The following PRKG1 variants were observed in gnomAD, a reference collection of about 807,000 sequenced individuals.
PRKG1 encodes the protein protein kinase cGMP-dependent 1.
A neutral mutation model predicts 88.1 loss-of-function variants in PRKG1; 35 were observed. The ratio of observed to expected loss-of-function variants is 0.40; its 90% CI spans 0.30 to 0.53. PRKG1 has a LOEUF of 0.53. PRKG1 is among the 20% of genes least tolerant of loss of function. PRKG1 has a pLI of 0.59. For synonymous variants in PRKG1, 303 were observed against 292.5 expected (o/e 1.04, Z -0.37); for missense variants, 540 against 839.8 (o/e 0.64, Z 4.41).
intron 1 of PRKG1, among the ~76,000 whole-genome samples, chr10:51,100,892 G>A (rs1844662957): frequency 6.6e-6 from 1 of 152,052 alleles, no homozygotes; most frequent in Non-Finnish European, 1.5e-5. Flanking sequence ...ACAGATTCCT[G>A]GGCTGTGAAA....
At chr10:52,120,416 C>T (rs924023408) in intron 7 of PRKG1, among the ~76,000 whole-genome samples, 1 of 152,138 alleles carries the variant, frequency 6.6e-6, no homozygotes, top group African/African-American at 2.4e-5. Context: ...CCCAAAGTCT[C>T]ATCTGAATCA....
intron 7 of PRKG1, among the ~76,000 whole-genome samples, chr10:52,092,884 T>C (rs1395044558): frequency 6.6e-6 from 1 of 152,152 alleles, no homozygotes; most frequent in African/African-American, 2.4e-5. Context: ...ATGGTAAGTA[T>C]GGTTTTATCT....
intron 2 of PRKG1, among the ~76,000 whole-genome samples, chr10:51,324,571 C>CA (rs34429733): frequency 0.14 from 11,682 of 84,464 alleles, 546 homozygotes; most frequent in Non-Finnish European, 0.17. Context: ...ACTAAAAATA[C>CA]AAAAAAAAAA....
At chr10:51,588,082 A>G (rs934791509) in intron 3 of PRKG1, among the ~76,000 whole-genome samples, 3 of 152,214 alleles carry the variant, frequency 2.0e-5, no homozygotes, top group Non-Finnish European at 4.4e-5. Flanking sequence ...TTCATTGGCC[A>G]TATCCTGGAG....
At chr10:52,260,247 CAGA>C (rs1321415362) in intron 10 of PRKG1, among the ~76,000 whole-genome samples, 14 of 152,152 alleles carry the variant, frequency 9.2e-5, no homozygotes, top group Admixed American at 3.9e-4. Context: ...TTTGTAACAT[CAGA>C]AGGACAAAGT....
chr10:51,637,552 ATGT>A (rs1839688864), intron 3 of PRKG1, among the ~76,000 whole-genome samples: 1 of 152,264 alleles, frequency 6.6e-6, no homozygotes, highest in South Asian at 2.1e-4. Context: ...GATAAAGAAA[ATGT>A]TGTATATATA....
intron 9 of PRKG1, among the ~76,000 whole-genome samples, chr10:52,189,812 T>C (rs1449217809): frequency 6.6e-6 from 1 of 152,208 alleles, no homozygotes; most frequent in East Asian, 1.9e-4. Flanking sequence ...GTTGTAATAT[T>C]TGCATTCTGT....
At chr10:52,199,384 G>T (rs1447741555) in intron 9 of PRKG1, among the ~76,000 whole-genome samples, 11 of 152,210 alleles carry the variant, frequency 7.2e-5, no homozygotes, top group African/African-American at 2.4e-4. Flanking sequence ...TTCACTCAAA[G>T]ATCATACTTG....
At chr10:51,884,122 T>C (rs1841503090) in intron 4 of PRKG1, among the ~76,000 whole-genome samples, 1 of 151,234 alleles carries the variant, frequency 6.6e-6, no homozygotes, top group Non-Finnish European at 1.5e-5. Context: ...ATGGAAGTGA[T>C]ACTTTTGTTT....
intron 2 of PRKG1, among the ~76,000 whole-genome samples, chr10:51,319,275 C>T (rs895046604): frequency 6.6e-6 from 1 of 152,208 alleles, no homozygotes; most frequent in Non-Finnish European, 1.5e-5. Flanking sequence ...GAATGGGAAG[C>T]TCTACCAAGC....
intron 3 of PRKG1, among the ~76,000 whole-genome samples, chr10:51,742,549 A>T (rs182841957): frequency 6.6e-6 from 1 of 152,324 alleles, no homozygotes. Context: ...TAAGACCCTC[A>T]GCCATGCTCA....
chr10:51,459,272 G>C (rs1839678135), intron 2 of PRKG1, among the ~76,000 whole-genome samples: 1 of 152,054 alleles, frequency 6.6e-6, no homozygotes, highest in African/African-American at 2.4e-5. Flanking sequence ...GAGAGGGGTA[G>C]GACATTTATT....
intron 3 of PRKG1, among the ~76,000 whole-genome samples, chr10:51,618,746 T>C (rs1266605719): frequency 6.6e-6 from 1 of 151,820 alleles, no homozygotes; most frequent in Admixed American, 6.6e-5. Flanking sequence ...ACTTAGGCAT[T>C]TATTTTTTAT....
intron 2 of PRKG1, among the ~76,000 whole-genome samples, chr10:51,186,954 T>TTTTATATATATATA (rs1318166640): frequency 7.5e-4 from 98 of 131,238 alleles, no homozygotes; most frequent in Admixed American, 2.2e-3. Context: ...AGGCCCTGTG[T>TTTTATATATATATA]TATATATATA....
intron 3 of PRKG1, among the ~76,000 whole-genome samples, chr10:51,552,475 CA>C (rs1837163039): frequency 6.6e-6 from 1 of 151,546 alleles, no homozygotes; most frequent in East Asian, 1.9e-4. Context: ...CTTCTTCTCA[CA>C]TATAGTAGCT....
chr10:51,123,756 A>G (rs189370498), intron 1 of PRKG1, among the ~76,000 whole-genome samples: 7 of 152,088 alleles, frequency 4.6e-5, no homozygotes, highest in Admixed American at 2.0e-4. Flanking sequence ...AAGAAGTTTA[A>G]GTGGCCAAGG....
At chr10:51,325,487 C>CCG (rs1167043634) in intron 2 of PRKG1, among the ~76,000 whole-genome samples, 1 of 152,214 alleles carries the variant, frequency 6.6e-6, no homozygotes, top group East Asian at 1.9e-4. Context: ...GCGTTAGCCA[C>CCG]CGTGCCTGGC....
intron 1 of PRKG1, among the ~76,000 whole-genome samples, chr10:51,020,573 A>G (rs942397629): frequency 1.3e-5 from 2 of 152,188 alleles, no homozygotes; most frequent in Non-Finnish European, 2.9e-5. Context: ...AAAATATACT[A>G]AAACTTTATT....
intron 9 of PRKG1, among the ~76,000 whole-genome samples, chr10:52,237,676 A>C (rs1840724695): frequency 9.0e-6 from 1 of 111,224 alleles, no homozygotes; most frequent in African/African-American, 3.7e-5. Context: ...AAGAGGATAC[A>C]AACAAATGGA....
Sources: allele counts gnomAD v4.1 joint callset (sites outside exome capture counted in the v4.1 genomes callset), GRCh38; gene constraint gnomAD v4.1.1; transcripts MANE v1.5; gene names NCBI Gene and HGNC (gene_info 2026-07-23, HGNC 2026-07-21).